The following ARL3 variants were observed in gnomAD, a reference collection of about 807,000 sequenced individuals.
ARL3 encodes the protein ARF like GTPase 3, also known as ADP-ribosylation factor-like protein 3.
ARL3 carries 9 observed loss-of-function variants against 26.0 expected under a neutral mutation model. That is an observed-to-expected ratio of 0.35 (90% CI 0.21 to 0.60). ARL3 has a LOEUF of 0.60. Among genes scored for constraint, ARL3 ranks in the 20% least tolerant of loss-of-function variants. The pLI, the probability that ARL3 is intolerant of heterozygous loss-of-function variation, is 0.78. For synonymous variants in ARL3, 71 were observed against 78.4 expected (o/e 0.91, Z 0.50); for missense variants, 158 against 215.7 (o/e 0.73, Z 1.67).
intron 5 of ARL3, among the ~76,000 whole-genome samples, chr10:102,679,441 T>C (rs1396608554): frequency 6.6e-6 from 1 of 152,220 alleles, no homozygotes; most frequent in African/African-American, 2.4e-5. Flanking sequence ...GCTGGTGTTA[T>C]TTCTCTATCA....
At chr10:102,706,078 G>A (rs1037543962) in intron 1 of ARL3, among the ~76,000 whole-genome samples, 2 of 152,060 alleles carry the variant, frequency 1.3e-5, no homozygotes, top group East Asian at 1.9e-4. Flanking sequence ...CACATTGCAT[G>A]CCTGTATCAA....
Position 102,685,865 on chromosome 10 carries a change from C to T in ARL3, c.452G>A (p.Arg151Gln), listed in dbSNP as rs376018992. ...EGLNLHTIRD[R>Q]VWQIQSCSAL... ...TGAGCAAGACTGGATCTGCCAGACT[C>T]GGTCGCGGATGGTATGCAGGTTCAG... The change falls in exon 5 of 6, where the codon CGA becomes CAA. Residue 151 changes from arginine (R) to glutamine (Q), a missense_variant. Physicochemically the swap from Arg to Gln is conservative, Grantham distance 43. Transcript: ENST00000260746. 13 of 1,613,924 alleles carry T rather than the reference C, an allele frequency of 8.1e-6. No individual in the cohort carries two copies. Among genetic ancestry groups the T allele is most frequent in the East Asian group, 2.2e-5 (1 of 44,894 alleles).
At chr10:102,683,262 C>A (rs751759576) in intron 5 of ARL3, among the ~76,000 whole-genome samples, 21 of 152,196 alleles carry the variant, frequency 1.4e-4, no homozygotes, top group Middle Eastern at 6.8e-3. Context: ...TTCTCTAGTC[C>A]CCAAAGGTTA....
intron 4 of ARL3, among the ~76,000 whole-genome samples, chr10:102,686,466 C>CT (rs549382825): frequency 0.065 from 8,068 of 123,954 alleles, 881 homozygotes; most frequent in African/African-American, 0.22. Context: ...TTTTTTCTTT[C>CT]TTTTTTTTTT....
At chr10:102,691,100 C>T (rs940134445) in intron 3 of ARL3, among the ~76,000 whole-genome samples, 1 of 151,972 alleles carries the variant, frequency 6.6e-6, no homozygotes, top group African/African-American at 2.4e-5. Flanking sequence ...AATATTTTAG[C>T]CTCTGTGGCC....
In ARL3 at chr10:102,705,411, C is replaced by T. The variant is rs1249451954; in HGVS notation, c.82G>A (p.Ala28Thr). 1.2e-6 allele frequency: 2 copies of T among 1,612,364 alleles called. No homozygotes were observed. The highest frequency in any genetic ancestry group is 8.5e-7 in the Non-Finnish European group (1 of 1,178,926). The change falls in exon 2 of 6, where the codon GCT becomes ACT. Residue 28 changes from alanine to threonine, a missense_variant. By Grantham distance (58) the Ala-to-Thr change is moderately conservative (BLOSUM62 0). Coordinates refer to ENST00000260746, the MANE Select transcript of ARL3 (RefSeq NM_004311.4). ...TGCTTCAGAAGAGTGGTCTTGCCAG[C>T]ATTATCCAAGCCCAGGAGAAGTATT... ...VRILLLGLDN[A>T]GKTTLLKQLA...
chr10:102,698,187 T>C (rs1244108217), intron 3 of ARL3, among the ~76,000 whole-genome samples: 1 of 152,020 alleles, frequency 6.6e-6, no homozygotes, highest in Non-Finnish European at 1.5e-5. Flanking sequence ...CTGTTTGAGA[T>C]GCAAGATGAT....
chr10:102,696,663 C>T (rs1590124572), intron 3 of ARL3, among the ~76,000 whole-genome samples: 2 of 152,288 alleles, frequency 1.3e-5, no homozygotes, highest in South Asian at 4.1e-4. Flanking sequence ...GCAATAGGTA[C>T]AAAGAATCTG....
chr10:102,682,599 C>T (rs1020668484), intron 5 of ARL3, among the ~76,000 whole-genome samples: 2 of 152,322 alleles, frequency 1.3e-5, no homozygotes, highest in Non-Finnish European at 2.9e-5. Flanking sequence ...AAGTGATGTA[C>T]CTGCCCTACT....
intron 3 of ARL3, among the ~76,000 whole-genome samples, chr10:102,692,647 C>T (rs865874060): frequency 1.3e-5 from 2 of 152,092 alleles, no homozygotes; most frequent in Non-Finnish European, 2.9e-5. Flanking sequence ...AACTCCTGAC[C>T]TCAGGTGATC....
At position 102,699,470 on chromosome 10, in the gene ARL3, A is replaced by G; in HGVS notation, c.167T>C (p.Val56Ala). The G allele has an allele frequency of 6.2e-7, 1 of 1,609,036 alleles. No individual in the cohort carries two copies. The highest frequency in any genetic ancestry group is 8.5e-7 in the Non-Finnish European group (1 of 1,176,472). The stretch of plus-strand genomic sequence containing the variant: ...ATTCAGTTTAAAACCTTGTGATTGT[A>G]CACTTTTGATGTTGAAACCCTGAAA... ...TPTQGFNIKS[V>A]QSQGFKLNVW... The change falls in exon 3 of 6, where the codon GTA (valine) becomes GCA (alanine). Residue 56 changes from valine to alanine, a missense_variant. Transcript: ENST00000260746.
chr10:102,683,694 C>A (rs1411202115), intron 5 of ARL3, among the ~76,000 whole-genome samples: 1 of 152,126 alleles, frequency 6.6e-6, no homozygotes, highest in Non-Finnish European at 1.5e-5. Flanking sequence ...CACCCTCTAG[C>A]TGCCTAGTAG....
At chr10:102,711,605 A>G (rs1428332837) in intron 1 of ARL3, among the ~76,000 whole-genome samples, 1 of 151,880 alleles carries the variant, frequency 6.6e-6, no homozygotes, top group East Asian at 1.9e-4. Flanking sequence ...CACACACACA[A>G]AATTAGCCGG....
At chr10:102,678,971 C>A (rs2064142793) in intron 5 of ARL3, among the ~76,000 whole-genome samples, 1 of 152,246 alleles carries the variant, frequency 6.6e-6, no homozygotes, top group Non-Finnish European at 1.5e-5. Context: ...GCCAGCTGAC[C>A]CCCGGCCTGG....
intron 2 of ARL3, among the ~76,000 whole-genome samples, chr10:102,703,763 C>G (rs947227588): frequency 1.3e-5 from 2 of 151,926 alleles, no homozygotes; most frequent in African/African-American, 2.4e-5. Flanking sequence ...CTTTAAACCT[C>G]CACGCTGTGA....
At chr10:102,706,131 C>A (rs1477801581) in intron 1 of ARL3, among the ~76,000 whole-genome samples, 1 of 152,036 alleles carries the variant, frequency 6.6e-6, no homozygotes, top group African/African-American at 2.4e-5. Flanking sequence ...CATGGACCCA[C>A]AAAAATTAAA....
At chr10:102,698,837 C>A (rs779761246) in intron 3 of ARL3, among the ~76,000 whole-genome samples, 3 of 152,218 alleles carry the variant, frequency 2.0e-5, no homozygotes, top group Non-Finnish European at 4.4e-5. Flanking sequence ...GAATTACATT[C>A]TACCACCTAA....
intron 3 of ARL3, among the ~76,000 whole-genome samples, chr10:102,690,740 C>T (rs2064212626): frequency 6.6e-6 from 1 of 151,874 alleles, no homozygotes; most frequent in Admixed American, 6.6e-5. Flanking sequence ...TGGAAGATAC[C>T]CTATCCCCTC....
Position 102,707,104 on chromosome 10 carries a change from T to C in ARL3, c.4-1615A>G, listed in dbSNP as rs2064314279. The stretch of plus-strand genomic sequence containing the variant: ...GAGCCCAGGAGTTCAAGACCAGCCC[T>C]GGCAACATAGTGAGACCCTGTCCCT... On this transcript the variant is annotated intron_variant, in intron 1 of 5. Coordinates refer to ENST00000260746, the MANE Select transcript of ARL3 (RefSeq NM_004311.4). Among the ~76,000 whole-genome samples the C allele has an allele frequency of 2.0e-5, 3 of 152,118 alleles. No homozygotes were observed. The South Asian group carries it at 6.2e-4, about 32-fold the overall frequency.
Sources: gnomAD v4.1 joint callset for allele counts (sites outside exome capture counted in the v4.1 genomes callset) on GRCh38, gnomAD v4.1.1 for gene constraint, MANE v1.5 for transcripts, NCBI Gene and HGNC (gene_info 2026-07-23, HGNC 2026-07-21) for gene names.